Variants in FGF7 observed in about 807,000 individuals in gnomAD.
FGF7 encodes FGF-7.
Under a neutral mutation model 20.5 loss-of-function variants are expected in FGF7, and 6 were observed. That is an observed-to-expected ratio of 0.29 (90% CI 0.16 to 0.58). FGF7 has a LOEUF of 0.58. Ranked by LOEUF, FGF7 falls within the 20% of genes least tolerant of loss-of-function variation. The probability of loss-of-function intolerance (pLI) is 0.90; values close to 1 mark genes in which losing one functional copy is unlikely to be tolerated. For synonymous variants in FGF7, 64 were observed against 74.7 expected (o/e 0.86, Z 0.74); for missense variants, 144 against 228.8 (o/e 0.63, Z 2.39).
At chr15:49,480,505 G>A (rs1477076094) in intron 2 of FGF7, among the ~76,000 whole-genome samples, 21 of 129,034 alleles carry the variant, frequency 1.6e-4, no homozygotes, top group African/African-American at 5.6e-4. Flanking sequence ...TTGGTGAGAC[G>A]GAGTCTCACT....
chr15:49,481,357 CAAATTT>C (rs1457410842), intron 2 of FGF7, among the ~76,000 whole-genome samples: 2 of 152,162 alleles, frequency 1.3e-5, no homozygotes, highest in Non-Finnish European at 2.9e-5. Flanking sequence ...TTTATTAGTA[CAAATTT>C]AACCTAATAG....
intron 2 of FGF7, among the ~76,000 whole-genome samples, chr15:49,443,843 G>C (rs1036576822): frequency 1.3e-5 from 2 of 151,664 alleles, no homozygotes; most frequent in African/African-American, 2.4e-5. Context: ...TTATATGCTT[G>C]TGTGCTATGC....
chr15:49,455,748 A>C (rs1375190585), intron 2 of FGF7, among the ~76,000 whole-genome samples: 2 of 152,170 alleles, frequency 1.3e-5, no homozygotes, highest in African/African-American at 2.4e-5. Flanking sequence ...AAGTGGAGAA[A>C]ACAAAACGTG....
At chr15:49,456,965 A>G (rs560726935) in intron 2 of FGF7, among the ~76,000 whole-genome samples, 4 of 152,136 alleles carry the variant, frequency 2.6e-5, no homozygotes, top group Non-Finnish European at 5.9e-5. Flanking sequence ...GGAACTTAGA[A>G]TTGAAAAAGT....
intron 2 of FGF7, among the ~76,000 whole-genome samples, chr15:49,467,544 G>A (rs573909903): frequency 1.3e-5 from 2 of 152,182 alleles, no homozygotes; most frequent in South Asian, 4.2e-4. Flanking sequence ...TCTAGATGGT[G>A]GGAAGAGATT....
rs549303472 is a variant in FGF7 at position 49,483,682 on chromosome 15, C to T, written c.390+428C>T. 2.6e-5 allele frequency among the ~76,000 whole-genome samples: 4 copies of T among 152,134 alleles called. No individual in the cohort carries two copies. The East Asian group carries it at 5.8e-4, about 22-fold the overall frequency. On this transcript the variant is annotated intron_variant, in intron 3 of 3. Coordinates refer to ENST00000267843, the MANE Select transcript of FGF7 (RefSeq NM_002009.4). ...TCAACATCAATCTCACAATCATGGG[C>T]ATTGAAATGTAATTATTCACATTGT...
rs191726970 is a variant in FGF7 at position 49,484,687 on chromosome 15, A to G, written c.*183A>G. On this transcript the variant is annotated 3_prime_UTR_variant, in exon 4 of 4. Coordinates refer to ENST00000267843, the MANE Select transcript of FGF7 (RefSeq NM_002009.4). ...TTTGTTTTAAGACACTGCATTAAAG[A>G]AAGATTTGAAAAGTATACACAAAAA... 2.6e-3 allele frequency: 1,041 copies of G among 404,936 alleles called. 6 individuals carry two copies. The highest frequency in any genetic ancestry group is 2.7e-3 in the Non-Finnish European group (627 of 229,528). The allele number at this position is 404,936 out of a possible 1,614,324, so 25.1% of individuals were successfully genotyped here.
At chr15:49,438,485 A>G (rs1427075044) in intron 2 of FGF7, among the ~76,000 whole-genome samples, 1 of 151,772 alleles carries the variant, frequency 6.6e-6, no homozygotes, top group Non-Finnish European at 1.5e-5. Context: ...GGAGAAAAGT[A>G]GGCTAGAAAA....
At chr15:49,429,145 A>C (rs958317108) in intron 2 of FGF7, among the ~76,000 whole-genome samples, 2 of 152,020 alleles carry the variant, frequency 1.3e-5, no homozygotes, top group Non-Finnish European at 2.9e-5. Context: ...CAAAAATAGC[A>C]ATGTAAGGAC....
intron 2 of FGF7, among the ~76,000 whole-genome samples, chr15:49,481,428 G>A (rs1055759397): frequency 2.0e-5 from 3 of 152,162 alleles, no homozygotes; most frequent in Non-Finnish European, 2.9e-5. Flanking sequence ...TGAAGTTGTA[G>A]TTACCAAATA....
At chr15:49,459,512 TTG>T (rs2053605066) in intron 2 of FGF7, among the ~76,000 whole-genome samples, 1 of 152,138 alleles carries the variant, frequency 6.6e-6, no homozygotes, top group African/African-American at 2.4e-5. Flanking sequence ...CATTTCAGCA[TTG>T]TGTTAAGTGC....
chr15:49,460,999 T>G (rs1891779900), intron 2 of FGF7, among the ~76,000 whole-genome samples: 1 of 152,158 alleles, frequency 6.6e-6, no homozygotes, highest in Non-Finnish European at 1.5e-5. Context: ...AAAGAATGAG[T>G]GATATTCATC....
At chr15:49,454,324 T>A (rs2053065561) in intron 2 of FGF7, among the ~76,000 whole-genome samples, 1 of 152,124 alleles carries the variant, frequency 6.6e-6, no homozygotes, top group African/African-American at 2.4e-5. Flanking sequence ...TTTCCCCCTT[T>A]CCAGTTTAAT....
chr15:49,458,703 A>T (rs1201384123), intron 2 of FGF7, among the ~76,000 whole-genome samples: 4 of 152,102 alleles, frequency 2.6e-5, no homozygotes, highest in African/African-American at 9.7e-5. Context: ...CTTCATAATA[A>T]TGTTTCCTAA....
rs142884608 is a variant in FGF7 at position 49,434,136 on chromosome 15, G to A, written c.286+9553G>A. 2.6e-5 allele frequency among the ~76,000 whole-genome samples: 4 copies of A among 151,628 alleles called. No individual in the cohort carries two copies. In the South Asian group the frequency reaches 6.2e-4, roughly 24 times the overall value. On this transcript the variant is annotated intron_variant, in intron 2 of 3. Coordinates refer to ENST00000267843, the MANE Select transcript of FGF7 (RefSeq NM_002009.4). ...CTTCAGGAGTCTTTTGGTATCTTAC[G>A]GGGTCTCTAACTGTACTTCTGACCA...
intron 2 of FGF7, among the ~76,000 whole-genome samples, chr15:49,481,481 G>A (rs2055940234): frequency 6.6e-6 from 1 of 152,218 alleles, no homozygotes; most frequent in Non-Finnish European, 1.5e-5. Flanking sequence ...ATTAAGCCTA[G>A]CATAGAATTG....
intron 2 of FGF7, among the ~76,000 whole-genome samples, chr15:49,456,805 A>G (rs943382577): frequency 6.6e-6 from 1 of 152,154 alleles, no homozygotes; most frequent in Non-Finnish European, 1.5e-5. Context: ...AATAAACAAA[A>G]GATACAGAGT....
At chr15:49,462,549 T>C (rs1030047352) in intron 2 of FGF7, among the ~76,000 whole-genome samples, 5 of 152,188 alleles carry the variant, frequency 3.3e-5, no homozygotes, top group Non-Finnish European at 5.9e-5. Flanking sequence ...GTATCTTTCA[T>C]TCATTGTGCA....
intron 2 of FGF7, among the ~76,000 whole-genome samples, chr15:49,438,637 GTATCATA>G (rs991557182): frequency 1.1e-4 from 17 of 151,762 alleles, no homozygotes; most frequent in Middle Eastern, 3.4e-3. Flanking sequence ...AAATAATACT[GTATCATA>G]TATTATGGAA....
Sources: allele counts gnomAD v4.1 joint callset (sites outside exome capture counted in the v4.1 genomes callset), GRCh38; gene constraint gnomAD v4.1.1; transcripts MANE v1.5; gene names NCBI Gene and HGNC (gene_info 2026-07-23, HGNC 2026-07-21).